OR7E24: variants seen among roughly 807,000 people sequenced by gnomAD.
OR7E24 encodes olfactory receptor family 7 subfamily E member 24.
For synonymous variants in OR7E24, 130 were observed against 157.5 expected (o/e 0.83, Z 1.31); for missense variants, 385 against 410.3 (o/e 0.94, Z 0.53).
chr19:9,212,944 A>G, the OR7E24 span: 1 of 152,226 alleles, frequency 6.6e-6, no homozygotes, highest in South Asian at 2.1e-4. Context: ...TTTTATGGAA[A>G]GTAGGATGGC....
chr19:9,238,438 T>C, the OR7E24 span, among the ~76,000 whole-genome samples: 4 of 152,220 alleles, frequency 2.6e-5, no homozygotes, highest in Non-Finnish European at 5.9e-5. Flanking sequence ...TTGCTCACTT[T>C]GTAATTGTGC....
the OR7E24 span, among the ~76,000 whole-genome samples, chr19:9,222,134 A>G: frequency 6.6e-6 from 1 of 152,122 alleles, no homozygotes; most frequent in Non-Finnish European, 1.5e-5. Flanking sequence ...CTATAAATAC[A>G]TGGATTTATT....
In OR7E24 at chr19:9,252,048, T is replaced by C; in HGVS notation, c.1005T>C (p.Phe335=). The part of the protein sequence containing the change: ...RIIKSHHLHP[F]CYMG Reference sequence around the variant, plus strand: ...TCAAATCTCATCATCTCCATCCTTTTTGTTATATGGGATAGAAATGGCAGC... The same window carrying C: ...TCAAATCTCATCATCTCCATCCTTTCTGTTATATGGGATAGAAATGGCAGC... The change falls in exon 1 of 1, where the codon TTT becomes TTC. Residue 335 remains phenylalanine (F), a synonymous_variant. Coordinates refer to ENST00000456448, the MANE Select transcript of OR7E24 (RefSeq NM_001079935.2). The C allele has an allele frequency of 1.1e-5, 17 of 1,613,556 alleles. No homozygotes were observed. Among genetic ancestry groups the C allele is most frequent in the Non-Finnish European group, 1.2e-5 (14 of 1,179,670 alleles).
the OR7E24 span, among the ~76,000 whole-genome samples, chr19:9,229,357 C>A: frequency 4.0e-5 from 6 of 151,716 alleles, no homozygotes; most frequent in Non-Finnish European, 8.8e-5. Flanking sequence ...TGGTGAAACC[C>A]CATCTCTACT....
chr19:9,245,538 G>A (rs2066126697), upstream of OR7E24, among the ~76,000 whole-genome samples: 1 of 152,188 alleles, frequency 6.6e-6, no homozygotes, highest in Non-Finnish European at 1.5e-5. Context: ...GATGCTGCAA[G>A]TTCACTTCTG....
At chr19:9,214,585 T>C in the OR7E24 span, 1 of 1,614,162 alleles carries the variant, frequency 6.2e-7, no homozygotes, top group Non-Finnish European at 8.5e-7. Context: ...CGTGCCTGGA[T>C]GCTCACTAGC....
rs1393457907 is a variant in OR7E24, at chr19:9,251,086, T to C, written c.43T>C (p.Cys15Arg). The C allele has an allele frequency of 3.1e-6, 5 of 1,609,266 alleles. No homozygotes were observed. Among genetic ancestry groups the C allele is most frequent in the Non-Finnish European group, 4.2e-6 (5 of 1,177,752 alleles). Residue 15 changes from cysteine (C) to arginine (R), a missense_variant, in exon 1 of 1, where the codon TGT (cysteine) becomes CGT (arginine). By Grantham distance (180) the Cys-to-Arg change is radical. Transcript: ENST00000456448. ...PILFFFFLKR[C>R]PSYTEPQNLT... ...TCTCTTTTTTTTTTTCCTCAAAAGG[T>C]GTCCGAGCTACACAGAGCCACAGAA...
the OR7E24 span, chr19:9,219,200 C>T: frequency 1.3e-5 from 2 of 152,028 alleles, no homozygotes; most frequent in Non-Finnish European, 2.9e-5. Context: ...TAGACAATAC[C>T]TTGAGCATAG....
chr19:9,218,495 C>T, the OR7E24 span, among the ~76,000 whole-genome samples: 12 of 152,184 alleles, frequency 7.9e-5, no homozygotes, highest in Non-Finnish European at 1.3e-4. Context: ...TTGCTTAACC[C>T]GATAAACAAT....
the OR7E24 span, among the ~76,000 whole-genome samples, chr19:9,220,055 A>G: frequency 2.0e-5 from 3 of 151,866 alleles, no homozygotes; most frequent in Non-Finnish European, 4.4e-5. Flanking sequence ...AATTATTTTT[A>G]TATATTTTTT....
the OR7E24 span, among the ~76,000 whole-genome samples, chr19:9,219,005 A>T: frequency 3.9e-5 from 6 of 152,172 alleles, no homozygotes; most frequent in Non-Finnish European, 8.8e-5. Context: ...TTATTTCTAT[A>T]TGATATCATG....
chr19:9,235,862 C>T, the OR7E24 span: 3 of 1,609,082 alleles, frequency 1.9e-6, no homozygotes, highest in Non-Finnish European at 2.6e-6. Context: ...GCCTTTTCCA[C>T]CTGTGGATCT....
chr19:9,207,430 T>C, the OR7E24 span: 1 of 152,178 alleles, frequency 6.6e-6, no homozygotes, highest in Admixed American at 6.5e-5. Context: ...AAGACAAATA[T>C]GGCATGTTCC....
chr19:9,232,533 C>T, the OR7E24 span, among the ~76,000 whole-genome samples: 9 of 119,134 alleles, frequency 7.6e-5, no homozygotes, highest in African/African-American at 1.5e-4. Flanking sequence ...AGCGAAACTC[C>T]GTCGCAAAAA....
At chr19:9,230,286 C>T in the OR7E24 span, among the ~76,000 whole-genome samples, 4 of 152,096 alleles carry the variant, frequency 2.6e-5, no homozygotes, top group African/African-American at 7.2e-5. Context: ...CTCAGGTGAT[C>T]CCCCTGCTTT....
chr19:9,248,498 T>C (rs890801270), upstream of OR7E24, among the ~76,000 whole-genome samples: 5 of 152,048 alleles, frequency 3.3e-5, no homozygotes, highest in African/African-American at 1.2e-4. Flanking sequence ...CTTCCCCCCC[T>C]CGAATCCGTG....
rs2066148128 is a variant in OR7E24, at chr19:9,251,560, G to A, written c.517G>A (p.Asp173Asn). Residue 173 changes from aspartate (D) to asparagine (N), a missense_variant, in exon 1 of 1, where the codon GAC becomes AAC. Transcript: ENST00000456448. The part of the protein sequence containing the change: ...ILLSFFISLL[D>N]SQLHNLIMLQ... The stretch of plus-strand genomic sequence containing the variant: ...GTTGTCTTTTTTTATTAGTCTTTTG[G>A]ACTCCCAGTTGCACAATTTGATTAT... 1 of 1,613,790 alleles carries A rather than the reference G, an allele frequency of 6.2e-7. No individual in the cohort carries two copies.
chr19:9,222,014 C>T, the OR7E24 span, among the ~76,000 whole-genome samples: 1 of 152,114 alleles, frequency 6.6e-6, no homozygotes, highest in African/African-American at 2.4e-5. Context: ...AAGTAAATAC[C>T]TAATTTCATT....
Position 9,251,757 on chromosome 19 carries a change from A to C in OR7E24, c.714A>C (p.Lys238Asn). The C allele has an allele frequency of 6.2e-7, 1 of 1,611,670 alleles. No homozygotes were observed. Among genetic ancestry groups the C allele is most frequent in the African/African-American group, 1.3e-5 (1 of 74,972 alleles). The change falls in exon 1 of 1, where the codon AAA (lysine) becomes AAC (asparagine). Residue 238 changes from lysine to asparagine, a missense_variant. By Grantham distance (94) the Lys-to-Asn change is moderately conservative. Coordinates refer to ENST00000456448, the MANE Select transcript of OR7E24 (RefSeq NM_001079935.2). The stretch of plus-strand genomic sequence containing the variant: ...CAGGGATCCTTTTCTCTTACTATAA[A>C]ATTGTTTCCCCCATTCTGAGAGTTC... ...PISGILFSYY[K>N]IVSPILRVPT...
Sources: gnomAD v4.1 joint callset for allele counts (sites outside exome capture counted in the v4.1 genomes callset) on GRCh38, gnomAD v4.1.1 for gene constraint, MANE v1.5 for transcripts, NCBI Gene and HGNC (gene_info 2026-07-23, HGNC 2026-07-21) for gene names.